Variants in CA10 observed in about 807,000 individuals in gnomAD.
CA10 encodes carbonic anhydrase 10 (inactive).
CA10 carries 14 observed loss-of-function variants against 44.2 expected under a neutral mutation model. That is an observed-to-expected ratio of 0.32 (90% CI 0.21 to 0.50). The LOEUF is 0.50. Ranked by LOEUF, CA10 falls within the 20% of genes least tolerant of loss-of-function variation. CA10 has a pLI of 0.99. For missense variants in CA10, 350 were observed against 409.7 expected, an observed-to-expected ratio of 0.85 and a Z score of 1.26; for synonymous variants, 159 against 141.6, an observed-to-expected ratio of 1.12 and a Z score of -0.87.
At chr17:51,686,703 C>T (rs1915022728) in intron 4 of CA10, among the ~76,000 whole-genome samples, 1 of 152,118 alleles carries the variant, frequency 6.6e-6, no homozygotes, top group Non-Finnish European at 1.5e-5. Flanking sequence ...TGGATGTATA[C>T]TTAGTGTCTC....
chr17:51,690,861 G>A (rs1915171621), intron 4 of CA10, among the ~76,000 whole-genome samples: 1 of 152,064 alleles, frequency 6.6e-6, no homozygotes, highest in Admixed American at 6.6e-5. Flanking sequence ...ATTTCACTTA[G>A]CATGTCTTCC....
At chr17:51,807,056 C>T (rs534743445) in intron 3 of CA10, among the ~76,000 whole-genome samples, 1 of 152,316 alleles carries the variant, frequency 6.6e-6, no homozygotes, top group South Asian at 2.1e-4. Flanking sequence ...AAGTGCATGT[C>T]TAAGGTATTA....
chr17:52,150,504 A>T (rs1161081463), intron 1 of CA10, among the ~76,000 whole-genome samples: 2 of 152,166 alleles, frequency 1.3e-5, no homozygotes, highest in Non-Finnish European at 2.9e-5. Context: ...ATGTTGAATG[A>T]TTAAGTGGAC....
intron 2 of CA10, among the ~76,000 whole-genome samples, chr17:52,002,931 T>A (rs1367113644): frequency 6.6e-6 from 1 of 152,018 alleles, no homozygotes; most frequent in Non-Finnish European, 1.5e-5. Flanking sequence ...GCCCTATGTC[T>A]GGCTATAACC....
intron 4 of CA10, among the ~76,000 whole-genome samples, chr17:51,692,238 T>G (rs1230799208): frequency 7.1e-5 from 2 of 28,086 alleles, no homozygotes; most frequent in South Asian, 8.6e-4. Context: ...TTCTTAGGGT[T>G]TTTTTTTTTT....
intron 4 of CA10, among the ~76,000 whole-genome samples, chr17:51,690,207 C>T (rs1369053786): frequency 6.6e-6 from 1 of 152,230 alleles, no homozygotes; most frequent in Admixed American, 6.5e-5. Flanking sequence ...CTTGGCCTCC[C>T]AAAGTGCTGG....
intron 1 of CA10, among the ~76,000 whole-genome samples, chr17:52,139,466 T>TC (rs1555569852): frequency 4.1e-4 from 60 of 147,880 alleles, no homozygotes; most frequent in African/African-American, 1.4e-3. Flanking sequence ...TTTTTTTTTT[T>TC]CGAAATAATG....
intron 3 of CA10, among the ~76,000 whole-genome samples, chr17:51,903,384 G>T (rs1257543126): frequency 6.6e-6 from 1 of 152,026 alleles, no homozygotes; most frequent in Non-Finnish European, 1.5e-5. Flanking sequence ...CCACACTGCC[G>T]CTTCCTTTTC....
chr17:51,767,964 A>G (rs892480513), intron 3 of CA10, among the ~76,000 whole-genome samples: 2 of 152,098 alleles, frequency 1.3e-5, no homozygotes, highest in African/African-American at 4.8e-5. Flanking sequence ...GGAGCGCTGA[A>G]CTAAACTACA....
chr17:51,730,599 T>C (rs1916678498), intron 4 of CA10, among the ~76,000 whole-genome samples: 1 of 152,204 alleles, frequency 6.6e-6, no homozygotes, highest in African/African-American at 2.4e-5. Context: ...GCAAACATTC[T>C]TTTTCCTTTA....
chr17:52,026,947 C>A (rs1888057251), intron 2 of CA10, among the ~76,000 whole-genome samples: 2 of 152,002 alleles, frequency 1.3e-5, no homozygotes, highest in South Asian at 4.1e-4. Flanking sequence ...GCAAAGGTTT[C>A]AGGATGATTC....
intron 3 of CA10, among the ~76,000 whole-genome samples, chr17:51,798,413 A>T (rs993480380): frequency 6.6e-6 from 1 of 152,258 alleles, no homozygotes; most frequent in Non-Finnish European, 1.5e-5. Context: ...ATTTATCTAC[A>T]TCCCTAAAAT....
intron 1 of CA10, among the ~76,000 whole-genome samples, chr17:52,153,993 C>T (rs1989754532): frequency 6.6e-6 from 1 of 152,142 alleles, no homozygotes; most frequent in Non-Finnish European, 1.5e-5. Flanking sequence ...GTAGAGATTG[C>T]TGATCCTAAG....
intron 3 of CA10, among the ~76,000 whole-genome samples, chr17:51,903,448 A>T (rs777332983): frequency 3.9e-5 from 6 of 152,094 alleles, no homozygotes; most frequent in African/African-American, 1.4e-4. Flanking sequence ...CTCAGTTTAT[A>T]TATGGAGTGT....
intron 2 of CA10, among the ~76,000 whole-genome samples, chr17:51,977,523 A>G (rs370238019): frequency 3.9e-5 from 6 of 152,210 alleles, no homozygotes; most frequent in Admixed American, 1.3e-4. Context: ...AGCAAACTAG[A>G]AATGGGGGGA....
chr17:51,958,174 T>C (rs554321901), intron 2 of CA10, among the ~76,000 whole-genome samples: 1 of 152,262 alleles, frequency 6.6e-6, no homozygotes, highest in Admixed American at 6.5e-5. Flanking sequence ...ACACGTAGCA[T>C]TAGGAATTAG....
chr17:51,939,428 G>C (rs926292055), intron 2 of CA10, among the ~76,000 whole-genome samples: 1 of 151,992 alleles, frequency 6.6e-6, no homozygotes, highest in Admixed American at 6.6e-5. Context: ...GATTCCTAAA[G>C]GTAGTATTGT....
chr17:51,931,809 T>A (rs1208560391), intron 2 of CA10, among the ~76,000 whole-genome samples: 1 of 152,176 alleles, frequency 6.6e-6, no homozygotes, highest in Non-Finnish European at 1.5e-5. Flanking sequence ...CGTCCACTCA[T>A]TTTCAGTGTC....
At chr17:51,932,041 A>G (rs549663759) in intron 2 of CA10, among the ~76,000 whole-genome samples, 1 of 152,172 alleles carries the variant, frequency 6.6e-6, no homozygotes, top group South Asian at 2.1e-4. Flanking sequence ...ATGGCCATTC[A>G]TTCATCCACC....
Sources: allele counts gnomAD v4.1 joint callset (sites outside exome capture counted in the v4.1 genomes callset), GRCh38; gene constraint gnomAD v4.1.1; transcripts MANE v1.5; gene names NCBI Gene and HGNC (gene_info 2026-07-23, HGNC 2026-07-21).